The following ZNF701 variants were observed in gnomAD, a reference collection of about 807,000 sequenced individuals.
ZNF701 encodes zinc finger protein 701.
A neutral mutation model predicts 7.1 loss-of-function variants in ZNF701; 6 were observed. That is an observed-to-expected ratio of 0.84 (90% CI 0.46 to 1.66). The LOEUF (loss-of-function observed/expected upper bound fraction) is 1.66, where lower values mean the gene tolerates loss of function less well. ZNF701 is among the 40% of genes most tolerant of loss of function. ZNF701 has a pLI of 0.01. For synonymous variants in ZNF701, 166 were observed against 188.2 expected (o/e 0.88, Z 0.97); for missense variants, 541 against 559.2 (o/e 0.97, Z 0.33).
intron 3 of ZNF701, among the ~76,000 whole-genome samples, chr19:52,577,603 A>G (rs1364482952): frequency 1.3e-5 from 2 of 151,902 alleles, no homozygotes; most frequent in East Asian, 3.9e-4. Flanking sequence ...GAAGTGACCT[A>G]GAAGGCAAGA....
chr19:52,577,699 T>A (rs186901009), intron 3 of ZNF701, among the ~76,000 whole-genome samples: 2 of 152,140 alleles, frequency 1.3e-5, no homozygotes, highest in Non-Finnish European at 2.9e-5. Flanking sequence ...AGGCACCCGT[T>A]ACTTAGCAGA....
At chr19:52,598,416 G>A in the ZNF701 span, among the ~76,000 whole-genome samples, 6 of 152,164 alleles carry the variant, frequency 3.9e-5, no homozygotes, top group African/African-American at 1.4e-4. Flanking sequence ...CCCTCTGTCT[G>A]GGGCAGGGTG....
intron 3 of ZNF701, among the ~76,000 whole-genome samples, chr19:52,578,949 A>G (rs62117239): frequency 0.1 from 14,933 of 150,016 alleles, 904 homozygotes; most frequent in Middle Eastern, 0.2. Context: ...TATTAGAGAC[A>G]GGGTTTCACC....
rs749755194 is a variant in ZNF701, at chr19:52,582,284, A to G, written c.225A>G (p.Gln75=). The change falls in exon 4 of 4, where the codon CAA becomes CAG. Residue 75 remains glutamine (Q), a synonymous_variant. Transcript: ENST00000391785. The part of the protein sequence containing the change: ...NTEVVHTGTL[Q]IHASHHIGDT... ...AAGTGGTCCACACAGGGACATTGCA[A>G]ATACATGCAAGTCATCACATTGGAG... 7.4e-6 allele frequency: 12 copies of G among 1,613,624 alleles called. No homozygotes were observed. The highest frequency in any genetic ancestry group is 1.7e-5 in the Admixed American group (1 of 59,944).
chr19:52,581,722 C>T (rs2059976840), intron 3 of ZNF701, among the ~76,000 whole-genome samples: 1 of 152,182 alleles, frequency 6.6e-6, no homozygotes, highest in African/African-American at 2.4e-5. Flanking sequence ...TGCTATGATT[C>T]TTTGACAATA....
At position 52,586,030 on chromosome 19, in the gene ZNF701, T is replaced by G. The variant is rs1242418668; in HGVS notation, c.*2573T>G. On this transcript the variant is annotated 3_prime_UTR_variant, in exon 4 of 4. Coordinates refer to ENST00000391785, the MANE Select transcript of ZNF701 (RefSeq NM_018260.3). ...CCCTAGACCCAGGACCCATGTGGTT[T>G]TTTTTGTTTTTGTTTTTGTTTTTTT... 2 of 152,188 alleles carry G rather than the reference T, an allele frequency of 1.3e-5. No individual in the cohort carries two copies. Among genetic ancestry groups the G allele is most frequent in the Admixed American group, 6.6e-5 (1 of 15,262 alleles). The allele number at this position is 152,188 out of a possible 1,614,324, so 9.4% of individuals were successfully genotyped here. A position where few individuals can be genotyped will look rare whatever the true frequency, so the allele number is the denominator to read the frequency against.
rs1446317237 is a variant in ZNF701, at chr19:52,582,359, G to T, written c.300G>T (p.Gln100His). 6.2e-7 allele frequency: 1 copy of T among 1,613,804 alleles called. No homozygotes were observed. Among genetic ancestry groups the T allele is most frequent in the South Asian group, 1.1e-5 (1 of 90,978 alleles). The change falls in exon 4 of 4, where the codon CAG becomes CAT. Residue 100 changes from glutamine (Q) to histidine (H), a missense_variant. Gln to His is a conservative substitution (Grantham distance 24). Transcript: ENST00000391785. ...AAGATATTCATGACTTTGTGTTTCA[G>T]TGGCAAGAAAATGAAACAAATGGCC... is the stretch of plus-strand genomic sequence containing the variant. ...IEKDIHDFVF[Q>H]WQENETNGHE...
At chr19:52,579,212 T>A (rs2059958872) in intron 3 of ZNF701, among the ~76,000 whole-genome samples, 1 of 142,778 alleles carries the variant, frequency 7.0e-6, no homozygotes. Flanking sequence ...GGGAAGTGGT[T>A]ATTGTTGCAG....
At chr19:52,589,166 G>A (rs1212843148), downstream of ZNF701, among the ~76,000 whole-genome samples, 2 of 152,294 alleles carry the variant, frequency 1.3e-5, no homozygotes, top group Non-Finnish European at 2.9e-5. Context: ...TGCCCTCTCT[G>A]ACTGAGAACA....
At chr19:52,596,078 A>T in the ZNF701 span, 33 of 1,210,170 alleles carry the variant, frequency 2.7e-5, no homozygotes, top group East Asian at 7.7e-4. Context: ...TTCATTATTC[A>T]CACAAATACA....
chr19:52,576,412 A>C (rs908146785), intron 3 of ZNF701, among the ~76,000 whole-genome samples: 28 of 152,120 alleles, frequency 1.8e-4, no homozygotes, highest in African/African-American at 6.5e-4. Flanking sequence ...GTCGTGGTGC[A>C]TGCCTGTAAT....
chr19:52,575,234 G>C (rs1249784078), intron 2 of ZNF701, among the ~76,000 whole-genome samples: 1 of 152,118 alleles, frequency 6.6e-6, no homozygotes, highest in Non-Finnish European at 1.5e-5. Context: ...CCCCCAAAGT[G>C]CTGGGATTAC....
chr19:52,593,131 G>T, the ZNF701 span, among the ~76,000 whole-genome samples: 2 of 118,440 alleles, frequency 1.7e-5, 1 homozygote, highest in African/African-American at 6.5e-5. Flanking sequence ...CAAGGCAGAA[G>T]AATTTTTCTT....
chr19:52,571,116 TAAG>T (rs1264848940), intron 1 of ZNF701, among the ~76,000 whole-genome samples: 5 of 143,950 alleles, frequency 3.5e-5, no homozygotes, highest in Non-Finnish European at 7.6e-5. Context: ...AAAAAAAAGA[TAAG>T]AAAGCAGGAG....
At chr19:52,578,333 A>G (rs1222340969) in intron 3 of ZNF701, among the ~76,000 whole-genome samples, 1 of 150,890 alleles carries the variant, frequency 6.6e-6, no homozygotes, top group Admixed American at 6.6e-5. Flanking sequence ...TGCTTTGGCT[A>G]CCTAAAAGGC....
intron 3 of ZNF701, among the ~76,000 whole-genome samples, chr19:52,576,594 T>C (rs1270725561): frequency 6.7e-6 from 1 of 149,908 alleles, no homozygotes; most frequent in Admixed American, 6.6e-5. Flanking sequence ...CAGTTTCCTG[T>C]TTGCTTTTCC....
chr19:52,599,557 A>G, the ZNF701 span, among the ~76,000 whole-genome samples: 1 of 152,156 alleles, frequency 6.6e-6, no homozygotes, highest in African/African-American at 2.4e-5. Flanking sequence ...AAGTGTATCT[A>G]TCCGTAATCA....
chr19:52,574,277 TC>T (rs2059918979), intron 2 of ZNF701, 115 bp downstream of exon 2: 1 of 1,490,544 alleles, frequency 6.7e-7, no homozygotes, highest in African/African-American at 1.4e-5. Flanking sequence ...TTGCTCACAC[TC>T]AACTCATGCC....
At chr19:52,579,392 G>T (rs990110189) in intron 3 of ZNF701, among the ~76,000 whole-genome samples, 1 of 140,624 alleles carries the variant, frequency 7.1e-6, no homozygotes, top group Non-Finnish European at 1.5e-5. Flanking sequence ...GTGTGGTGGC[G>T]GGCACTTGTA....
Sources: gnomAD v4.1 joint callset for allele counts (sites outside exome capture counted in the v4.1 genomes callset) on GRCh38, gnomAD v4.1.1 for gene constraint, MANE v1.5 for transcripts, NCBI Gene and HGNC (gene_info 2026-07-23, HGNC 2026-07-21) for gene names.